Variants in MORN5 observed in about 807,000 individuals in gnomAD.
The protein encoded by MORN5 is MORN repeat-containing protein 5.
A neutral mutation model predicts 22.1 loss-of-function variants in MORN5; 21 were observed. The ratio of observed to expected loss-of-function variants is 0.95; its 90% CI spans 0.67 to 1.37. The LOEUF (loss-of-function observed/expected upper bound fraction) is 1.37, where lower values mean the gene tolerates loss of function less well. Ranked by LOEUF, MORN5 falls within the 40% of genes most tolerant of loss-of-function variation. The pLI, the probability that MORN5 is intolerant of heterozygous loss-of-function variation, is 0.00. For synonymous variants in MORN5, 73 were observed against 74.0 expected (o/e 0.99, Z 0.07); for missense variants, 211 against 215.1 (o/e 0.98, Z 0.12).
chr9:122,181,828 G>T (rs988529326), intron 4 of MORN5, among the ~76,000 whole-genome samples: 2 of 152,224 alleles, frequency 1.3e-5, no homozygotes, highest in African/African-American at 4.8e-5. Context: ...TAGAAAAAAA[G>T]ATTAAGTATT....
intron 2 of MORN5, among the ~76,000 whole-genome samples, chr9:122,168,257 A>T (rs1030662679): frequency 6.6e-6 from 1 of 152,216 alleles, no homozygotes; most frequent in African/African-American, 2.4e-5. Flanking sequence ...GTTAGCTCTT[A>T]TTACCACCAT....
In MORN5 at chr9:122,174,589, T is replaced by C; in HGVS notation, c.401T>C (p.Val134Ala). Reference sequence around the variant, plus strand: ...GGCTTCTATAACCCAGTCACGAGGGTAGTCAAGGACTATAGGAACCGCTTT... The same window carrying C: ...GGCTTCTATAACCCAGTCACGAGGGCAGTCAAGGACTATAGGAACCGCTTT... ...GDGFYNPVTR[V>A]VKDYRNRFLR... The change falls in exon 4 of 5, where the codon GTA becomes GCA. Residue 134 changes from valine to alanine, a missense_variant. Val to Ala is a moderately conservative substitution (Grantham distance 64, BLOSUM62 0). Transcript: ENST00000373764. 2 of 1,614,014 alleles carry C rather than the reference T, an allele frequency of 1.2e-6. No individual in the cohort carries two copies. The highest frequency in any genetic ancestry group is 8.5e-7 in the Non-Finnish European group (1 of 1,180,020).
At chr9:122,166,680 G>C in intron 1 of MORN5, 88 bp from the exon 2 acceptor site, 1 of 1,268,268 alleles carries the variant, frequency 7.9e-7, no homozygotes, top group East Asian at 2.4e-5. Context: ...AGAATGCTGA[G>C]AACGGGGTTC....
At chr9:122,161,529 G>A (rs113821131) in intron 1 of MORN5, among the ~76,000 whole-genome samples, 1 of 152,160 alleles carries the variant, frequency 6.6e-6, no homozygotes, top group African/African-American at 2.4e-5. Flanking sequence ...GAAGCAAAAT[G>A]ACTGGCCCAC....
At chr9:122,160,526 T>G (rs184679239) in intron 1 of MORN5, among the ~76,000 whole-genome samples, 4 of 149,770 alleles carry the variant, frequency 2.7e-5, no homozygotes, top group African/African-American at 7.5e-5. Flanking sequence ...AATTCAACAG[T>G]TTTTTTTTCT....
chr9:122,167,353 C>CTTTTT (rs61672512), intron 2 of MORN5, among the ~76,000 whole-genome samples: 36 of 104,540 alleles, frequency 3.4e-4, no homozygotes, highest in Non-Finnish European at 5.0e-4. Context: ...CGCACCTGAC[C>CTTTTT]TTTTTTTTTT....
chr9:122,166,964 G>A (rs1441491578), intron 2 of MORN5, 49 bp downstream of exon 2: 2 of 1,564,770 alleles, frequency 1.3e-6, no homozygotes, highest in South Asian at 2.4e-5. Flanking sequence ...CCTCACGCAA[G>A]AAGAGCCTCA....
At chr9:122,164,990 A>T (rs1829253957) in intron 1 of MORN5, among the ~76,000 whole-genome samples, 1 of 152,198 alleles carries the variant, frequency 6.6e-6, no homozygotes, top group Admixed American at 6.5e-5. Context: ...GGAGCTGAGG[A>T]TACCAAAGTC....
At chr9:122,179,613 C>G (rs1829505241) in intron 4 of MORN5, among the ~76,000 whole-genome samples, 1 of 152,156 alleles carries the variant, frequency 6.6e-6, no homozygotes, top group Admixed American at 6.5e-5. Context: ...TTCTAGGGCC[C>G]TTCCAACCTT....
At chr9:122,175,377 C>T in intron 4 of MORN5, 12 of 798,066 alleles carry the variant, frequency 1.5e-5, no homozygotes, top group Non-Finnish European at 1.8e-5. Context: ...TCCAGAACCT[C>T]AGTTTGGTGA....
intron 4 of MORN5, among the ~76,000 whole-genome samples, chr9:122,177,903 G>A (rs1216736720): frequency 6.6e-6 from 1 of 152,186 alleles, no homozygotes; most frequent in Non-Finnish European, 1.5e-5. Context: ...CTCCCACAGA[G>A]GGGAGATAGG....
chr9:122,166,666 G>T, intron 1 of MORN5, 102 bp from the exon 2 acceptor site: 2 of 1,126,558 alleles, frequency 1.8e-6, no homozygotes, highest in South Asian at 1.6e-5. Flanking sequence ...GGATGAGAAG[G>T]ATGAGAATGC....
At chr9:122,192,852 G>A (rs1442411490) in intron 4 of MORN5, among the ~76,000 whole-genome samples, 5 of 152,188 alleles carry the variant, frequency 3.3e-5, no homozygotes, top group African/African-American at 4.8e-5. Context: ...CCCAGGGTGG[G>A]GAAGAAATTC....
chr9:122,194,534 G>A (rs1021920451), intron 4 of MORN5, among the ~76,000 whole-genome samples: 3 of 152,276 alleles, frequency 2.0e-5, no homozygotes, highest in Admixed American at 6.5e-5. Flanking sequence ...CCTGGATGCC[G>A]AGAAGGGGGT....
intron 4 of MORN5, among the ~76,000 whole-genome samples, chr9:122,193,719 G>A (rs371887567): frequency 2.0e-5 from 3 of 152,376 alleles, no homozygotes; most frequent in East Asian, 3.9e-4. Context: ...TCTCTGTTGT[G>A]TTCTGAGAGG....
At chr9:122,186,234 C>T (rs868275581) in intron 4 of MORN5, among the ~76,000 whole-genome samples, 3 of 152,120 alleles carry the variant, frequency 2.0e-5, no homozygotes, top group South Asian at 2.1e-4. Context: ...GACCATTATT[C>T]GTATTTGGCA....
chr9:122,195,841 T>G (rs1490225741), intron 4 of MORN5, among the ~76,000 whole-genome samples: 1 of 152,198 alleles, frequency 6.6e-6, no homozygotes, highest in Non-Finnish European at 1.5e-5. Flanking sequence ...TACTTGGAAT[T>G]CTCCTGCACG....
chr9:122,199,826 A>C (rs1351258371), intron 4 of MORN5, 59 bp from the exon 5 acceptor site: 13 of 1,586,148 alleles, frequency 8.2e-6, no homozygotes, highest in Non-Finnish European at 1.0e-5. Flanking sequence ...GGAACCCCCC[A>C]GGCCAGGAAA....
Position 122,199,969 on chromosome 9 carries a change from T to C in MORN5, c.*38T>C. On this transcript the variant is annotated 3_prime_UTR_variant, in exon 5 of 5. Coordinates refer to ENST00000373764, the MANE Select transcript of MORN5 (RefSeq NM_198469.4). ...GGTCACAGGCCCGAGCCGTGAACTC[T>C]GTGGCTGCCTCCACCAGAGGTTTCC... is the stretch of plus-strand genomic sequence containing the variant. 1.2e-6 allele frequency: 2 copies of C among 1,609,852 alleles called. No individual in the cohort carries two copies. The highest frequency in any genetic ancestry group is 1.7e-6 in the Non-Finnish European group (2 of 1,176,104).
Sources: allele counts gnomAD v4.1 joint callset (sites outside exome capture counted in the v4.1 genomes callset), GRCh38; gene constraint gnomAD v4.1.1; transcripts MANE v1.5; gene names NCBI Gene and HGNC (gene_info 2026-07-23, HGNC 2026-07-21).